The following SLC27A6 variants were observed in gnomAD, a reference collection of about 807,000 sequenced individuals.
The protein encoded by SLC27A6 is solute carrier family 27 member 6, also known as long-chain fatty acid transport protein 6.
A neutral mutation model predicts 63.9 loss-of-function variants in SLC27A6; 74 were observed. The ratio of observed to expected loss-of-function variants is 1.16; its 90% CI spans 0.96 to 1.40. The LOEUF (loss-of-function observed/expected upper bound fraction) is 1.40. SLC27A6 is among the 40% of genes most tolerant of loss of function. SLC27A6 has a pLI of 0.00. For synonymous variants in SLC27A6, 287 were observed against 260.8 expected (o/e 1.10, Z -0.97); for missense variants, 794 against 732.9 (o/e 1.08, Z -0.96).
chr5:128,979,784 A>T (rs1750521431), intron 1 of SLC27A6, among the ~76,000 whole-genome samples: 1 of 152,242 alleles, frequency 6.6e-6, no homozygotes, highest in African/African-American at 2.4e-5. Context: ...ATGTGGGAAC[A>T]ACTGAGAGTG....
Position 128,966,203 on chromosome 5 carries a change from C to A in SLC27A6, c.66C>A (p.Leu22=). The change falls in exon 1 of 10, where the codon CTC becomes CTA. Residue 22 remains leucine (L), a synonymous_variant. Coordinates refer to ENST00000262462, the MANE Select transcript of SLC27A6 (RefSeq NM_001017372.3). ...GMVVLHFLQK[L]LFPYFWDDFW... is the part of the protein sequence containing the mutation. ...TCGTCCTGCACTTCTTGCAGAAACTCCTGTTCCCTTACTTTTGGGATGACT... is the reference window on the plus strand; with the variant it reads ...TCGTCCTGCACTTCTTGCAGAAACTACTGTTCCCTTACTTTTGGGATGACT... 5 of 1,604,752 alleles carry A rather than the reference C, an allele frequency of 3.1e-6. No homozygotes were observed. Among genetic ancestry groups the A allele is most frequent in the Non-Finnish European group, 3.4e-6 (4 of 1,175,536 alleles).
At chr5:128,981,493 G>GAA (rs202204439) in intron 1 of SLC27A6, among the ~76,000 whole-genome samples, 24 of 148,394 alleles carry the variant, frequency 1.6e-4, no homozygotes, top group Middle Eastern at 3.5e-3. Context: ...AAAAAAAAAA[G>GAA]AAAAAAAAAT....
At chr5:129,003,420 C>T (rs1208506597) in intron 4 of SLC27A6, among the ~76,000 whole-genome samples, 1 of 152,162 alleles carries the variant, frequency 6.6e-6, no homozygotes, top group Non-Finnish European at 1.5e-5. Flanking sequence ...TCCATTTATG[C>T]AAATGAAAGA....
intron 4 of SLC27A6, among the ~76,000 whole-genome samples, chr5:129,000,062 C>T (rs6898529): frequency 0.21 from 32,082 of 151,950 alleles, 3,438 homozygotes; most frequent in Middle Eastern, 0.29. Flanking sequence ...TCTGAACATA[C>T]AGCTGGTGCC....
chr5:129,017,634 A>G (rs1751947176), intron 5 of SLC27A6, among the ~76,000 whole-genome samples: 3 of 152,174 alleles, frequency 2.0e-5, no homozygotes, highest in African/African-American at 7.2e-5. Context: ...TGATTGATAG[A>G]AGGCACAAAT....
intron 4 of SLC27A6, among the ~76,000 whole-genome samples, chr5:129,013,885 A>G (rs547225288): frequency 1.2e-3 from 189 of 152,256 alleles, no homozygotes; most frequent in Non-Finnish European, 2.1e-3. Context: ...TTCTTTAATC[A>G]TCATATTTCA....
chr5:129,010,210 T>C (rs1158623658), intron 4 of SLC27A6, among the ~76,000 whole-genome samples: 2 of 152,184 alleles, frequency 1.3e-5, no homozygotes, highest in Non-Finnish European at 2.9e-5. Flanking sequence ...GTCAGCACTA[T>C]GTCAATGAGA....
At chr5:128,972,374 T>C (rs1301527316) in intron 1 of SLC27A6, among the ~76,000 whole-genome samples, 1 of 152,222 alleles carries the variant, frequency 6.6e-6, no homozygotes, top group Non-Finnish European at 1.5e-5. Context: ...CTTGGTTCCA[T>C]TCTCCCCATC....
chr5:128,998,661 A>G (rs1174965188), intron 4 of SLC27A6, among the ~76,000 whole-genome samples: 2 of 152,132 alleles, frequency 1.3e-5, no homozygotes, highest in Admixed American at 6.6e-5. Context: ...ATTTTCCCAC[A>G]TTTGATATTA....
intron 4 of SLC27A6, among the ~76,000 whole-genome samples, chr5:129,015,151 G>C (rs1035165008): frequency 3.3e-5 from 5 of 152,028 alleles, no homozygotes; most frequent in Non-Finnish European, 4.4e-5. Context: ...TGACTACACT[G>C]ATAATATATT....
chr5:128,987,748 G>T (rs1750838001), intron 2 of SLC27A6, among the ~76,000 whole-genome samples: 1 of 151,996 alleles, frequency 6.6e-6, no homozygotes, highest in African/African-American at 2.4e-5. Flanking sequence ...CAGGAGGGCT[G>T]ATCTTCAGAA....
At chr5:128,981,290 G>T (rs1270109541) in intron 1 of SLC27A6, among the ~76,000 whole-genome samples, 3 of 151,978 alleles carry the variant, frequency 2.0e-5, no homozygotes, top group Non-Finnish European at 2.9e-5. Flanking sequence ...GACCAGCCTG[G>T]CCAACATGGT....
intron 2 of SLC27A6, among the ~76,000 whole-genome samples, chr5:128,987,198 C>T (rs1318866403): frequency 2.0e-5 from 3 of 151,878 alleles, no homozygotes; most frequent in African/African-American, 7.3e-5. Flanking sequence ...ATATATATAA[C>T]TTCTTTTAAT....
intron 1 of SLC27A6, among the ~76,000 whole-genome samples, chr5:128,981,927 C>A (rs538577582): frequency 6.6e-6 from 1 of 151,986 alleles, no homozygotes; most frequent in African/African-American, 2.4e-5. Context: ...GATTCACCTG[C>A]CTCAGTCTCC....
chr5:128,972,288 C>A (rs62399681), intron 1 of SLC27A6, among the ~76,000 whole-genome samples: 36,657 of 152,010 alleles, frequency 0.24, 4,970 homozygotes, highest in Middle Eastern at 0.33. Context: ...GTCTGTATTT[C>A]CTGAATTTGA....
Position 128,965,963 on chromosome 5 carries a change from G to C in SLC27A6, c.-175G>C. On this transcript the variant is annotated 5_prime_UTR_variant, in exon 1 of 10. Transcript: ENST00000262462. ...GGCGACCTTTTCGGTGCAAACCTACGATTCTGTTTCTCAGGATTCCTCCCC... is the reference window on the plus strand; with the variant it reads ...GGCGACCTTTTCGGTGCAAACCTACCATTCTGTTTCTCAGGATTCCTCCCC... 1 of 672,710 alleles carries C rather than the reference G, an allele frequency of 1.5e-6. No individual in the cohort carries two copies. Among genetic ancestry groups the C allele is most frequent in the Non-Finnish European group, 2.2e-6 (1 of 445,492 alleles). 41.7% of individuals were successfully genotyped at this position (672,710 alleles called of 1,614,324 possible).
chr5:128,993,474 A>C (rs1038452173), intron 4 of SLC27A6, among the ~76,000 whole-genome samples: 2 of 148,814 alleles, frequency 1.3e-5, no homozygotes, highest in Non-Finnish European at 3.0e-5. Flanking sequence ...AACATATATT[A>C]ATGTGCTCTG....
chr5:128,985,163 C>T lies in SLC27A6; in HGVS notation c.512C>T (p.Pro171Leu). The change falls in exon 2 of 10, where the codon CCA (proline) becomes CTA (leucine). Residue 171 changes from proline (P) to leucine (L), a missense_variant. Coordinates refer to ENST00000262462, the MANE Select transcript of SLC27A6 (RefSeq NM_001017372.3). ...CTTGGAACGGTAGAAGAAATCCTTC[C>T]AAGCCTCTCAGAAAATATCAGTGTT... ...DLLGTVEEIL[P>L]SLSENISVWG... 11 of 1,613,768 alleles carry T rather than the reference C, an allele frequency of 6.8e-6. No homozygotes were observed. Among genetic ancestry groups the T allele is most frequent in the Non-Finnish European group, 9.3e-6 (11 of 1,179,888 alleles).
chr5:129,003,359 G>A (rs1751408581), intron 4 of SLC27A6, among the ~76,000 whole-genome samples: 2 of 152,208 alleles, frequency 1.3e-5, no homozygotes, highest in African/African-American at 4.8e-5. Context: ...AGAGAACAAA[G>A]GGAAGGTTGA....
Sources: allele counts gnomAD v4.1 joint callset (sites outside exome capture counted in the v4.1 genomes callset), GRCh38; gene constraint gnomAD v4.1.1; transcripts MANE v1.5; gene names NCBI Gene and HGNC (gene_info 2026-07-23, HGNC 2026-07-21).